Variants in DPYSL2 observed in about 807,000 individuals in gnomAD.
DPYSL2 encodes dihydropyrimidinase-related protein 2.
In DPYSL2, 13 loss-of-function variants were observed where a neutral mutation model predicts 69.9. That is an observed-to-expected ratio of 0.19 (90% CI 0.12 to 0.30). The LOEUF (loss-of-function observed/expected upper bound fraction) is 0.30, where lower values mean the gene tolerates loss of function less well. Ranked by LOEUF, DPYSL2 falls within the 10% of genes least tolerant of loss-of-function variation. DPYSL2 has a pLI of 1.00. For missense variants in DPYSL2, 587 were observed against 918.9 expected, an observed-to-expected ratio of 0.64 and a Z score of 4.67; for synonymous variants, 326 against 359.1, an observed-to-expected ratio of 0.91 and a Z score of 1.04.
chr8:26,622,296 A>G (rs776573840), intron 3 of DPYSL2, among the ~76,000 whole-genome samples: 2 of 151,904 alleles, frequency 1.3e-5, no homozygotes, highest in Non-Finnish European at 2.9e-5. Flanking sequence ...ATAAGCTTGC[A>G]TTTGAACTGG....
intron 1 of DPYSL2, among the ~76,000 whole-genome samples, chr8:26,515,078 C>G (rs1419393827): frequency 6.6e-6 from 1 of 152,192 alleles, no homozygotes; most frequent in Admixed American, 6.5e-5. Flanking sequence ...TCAGAGCGTG[C>G]GGTGGAGGCT....
At chr8:26,539,808 A>T (rs1240285297) in intron 1 of DPYSL2, among the ~76,000 whole-genome samples, 1 of 152,168 alleles carries the variant, frequency 6.6e-6, no homozygotes, top group Non-Finnish European at 1.5e-5. Context: ...CCAGAGTAGG[A>T]TCGCTACACT....
At position 26,554,491 on chromosome 8, in the gene DPYSL2, C is replaced by A. The variant is rs1456345389; in HGVS notation, c.355-27478C>A. On this transcript the variant is annotated intron_variant, in intron 1 of 13. Coordinates refer to ENST00000521913, the MANE Select transcript of DPYSL2 (RefSeq NM_001197293.3). ...TGTCTGTTTACTCTGTTGATAGTTTCTTTTGCTCTGCAGAAACTCTTAAGT... is the reference window on the plus strand; with the variant it reads ...TGTCTGTTTACTCTGTTGATAGTTTATTTTGCTCTGCAGAAACTCTTAAGT... Among the ~76,000 whole-genome samples the A allele has an allele frequency of 7.9e-5, 12 of 151,086 alleles. No homozygotes were observed. In the East Asian group the frequency reaches 2.0e-3, roughly 25 times the overall value.
At chr8:26,534,089 C>A (rs187683288) in intron 1 of DPYSL2, among the ~76,000 whole-genome samples, 90 of 152,298 alleles carry the variant, frequency 5.9e-4, no homozygotes, top group Admixed American at 1.3e-3. Flanking sequence ...AACAACAAGA[C>A]TGGTTATTGG....
chr8:26,618,092 A>G (rs1201995737), intron 3 of DPYSL2, among the ~76,000 whole-genome samples: 1 of 152,084 alleles, frequency 6.6e-6, no homozygotes, highest in Non-Finnish European at 1.5e-5. Context: ...GTCCTTTTTC[A>G]GAGACTGCTT....
At chr8:26,518,211 G>C (rs1254540738) in intron 1 of DPYSL2, among the ~76,000 whole-genome samples, 1 of 152,154 alleles carries the variant, frequency 6.6e-6, no homozygotes, top group African/African-American at 2.4e-5. Context: ...GTGTGTGGTG[G>C]AGATTTGGAA....
Position 26,640,750 on chromosome 8 carries a change from G to C in DPYSL2, c.1127-2689G>C, listed in dbSNP as rs1160522917. On this transcript the variant is annotated intron_variant, in intron 8 of 13. Coordinates refer to ENST00000521913, the MANE Select transcript of DPYSL2 (RefSeq NM_001197293.3). The surrounding 1 kb of genome is among the most constrained non-coding windows in gnomAD (Gnocchi z 4.2). ...CCTGAGGGAAGTTGAACAGAGCAAAGTAGAAATGAACCACAGGATGGCTCC... is the reference window on the plus strand; with the variant it reads ...CCTGAGGGAAGTTGAACAGAGCAAACTAGAAATGAACCACAGGATGGCTCC... 6.6e-6 allele frequency among the ~76,000 whole-genome samples: 1 copy of C among 152,200 alleles called. No homozygotes were observed. Among genetic ancestry groups the C allele is most frequent in the Admixed American group, 6.5e-5 (1 of 15,288 alleles).
chr8:26,545,747 A>G (rs1026575073), intron 1 of DPYSL2, among the ~76,000 whole-genome samples: 1 of 151,656 alleles, frequency 6.6e-6, no homozygotes, highest in African/African-American at 2.4e-5. Flanking sequence ...AGCCTGAGCA[A>G]CAGAGTGAGA....
chr8:26,558,005 G>A (rs1219539712), intron 1 of DPYSL2, among the ~76,000 whole-genome samples: 2 of 151,740 alleles, frequency 1.3e-5, no homozygotes, highest in Non-Finnish European at 1.5e-5. Context: ...GATGCAAAAT[G>A]GTACAGCCAC....
intron 1 of DPYSL2, among the ~76,000 whole-genome samples, chr8:26,574,924 ATTTAT>A (rs974658553): frequency 1.3e-5 from 2 of 151,936 alleles, no homozygotes; most frequent in African/African-American, 2.4e-5. Context: ...CACTCAGCTA[ATTTAT>A]TTTGTTTGTT....
rs1315706450 is a variant in DPYSL2, at chr8:26,642,199, T to A, written c.1127-1240T>A. Among the ~76,000 whole-genome samples the A allele has an allele frequency of 1.3e-5, 2 of 152,196 alleles. No homozygotes were observed. The highest frequency in any genetic ancestry group is 4.8e-5 in the African/African-American group (2 of 41,444). On this transcript the variant is annotated intron_variant, in intron 8 of 13. Transcript: ENST00000521913. This position sits in a 1 kb window ranked among gnomAD's most constrained non-coding sequence, Gnocchi z 5.3. Reference sequence around the variant, plus strand: ...ACACGTTTTTGGAGTGCCTACTATGTGCAGGCAGGTAAATGATCTTCAAGG... The same window carrying A: ...ACACGTTTTTGGAGTGCCTACTATGAGCAGGCAGGTAAATGATCTTCAAGG...
intron 1 of DPYSL2, among the ~76,000 whole-genome samples, chr8:26,519,884 A>G (rs1321829008): frequency 2.0e-5 from 3 of 152,222 alleles, no homozygotes; most frequent in Non-Finnish European, 2.9e-5. Context: ...AGATGACTCT[A>G]TTAAGTAGAT....
chr8:26,634,953 G>C (rs1418866957), intron 8 of DPYSL2, 53 bp downstream of exon 8: 43 of 1,607,796 alleles, frequency 2.7e-5, no homozygotes, highest in Non-Finnish European at 3.6e-5. Context: ...TTGGAGGGGA[G>C]GGGGGCTCCT....
intron 1 of DPYSL2, chr8:26,578,257 G>A (rs1383401523): frequency 6.2e-7 from 1 of 1,614,068 alleles, no homozygotes; most frequent in African/African-American, 1.3e-5. Flanking sequence ...GGAGAGAGAT[G>A]TCTTATCAGG....
At chr8:26,561,489 C>T (rs144915507) in intron 1 of DPYSL2, among the ~76,000 whole-genome samples, 27 of 152,270 alleles carry the variant, frequency 1.8e-4, no homozygotes, top group African/African-American at 6.3e-4. Context: ...TCTCAAATTA[C>T]CATGGCCCCA....
intron 4 of DPYSL2, among the ~76,000 whole-genome samples, chr8:26,625,737 A>G (rs956639545): frequency 6.6e-6 from 1 of 152,250 alleles, no homozygotes; most frequent in Admixed American, 6.5e-5. Flanking sequence ...ACAGTTCTTC[A>G]TAGGCAGAAA....
Position 26,647,651 on chromosome 8 carries a change from A to T in DPYSL2, c.1447A>T (p.Asn483Tyr). The change falls in exon 11 of 14, where the codon AAC (asparagine) becomes TAC (tyrosine). Residue 483 changes from asparagine to tyrosine, a missense_variant. Physicochemically the swap from Asn to Tyr is moderately radical, Grantham distance 143 (BLOSUM62 -2). Transcript: ENST00000521913. The surrounding 1 kb of genome is among the most constrained non-coding windows in gnomAD (Gnocchi z 5.1). ...KAVVTGKMDE[N>Y]QFVAVTSTNA... is the part of the protein sequence containing the mutation. ...TCAGGTCACTGGGAAGATGGATGAG[A>T]ACCAGTTTGTGGCTGTGACCAGCAC... The T allele has an allele frequency of 1.2e-6, 2 of 1,613,548 alleles. No individual in the cohort carries two copies. Among genetic ancestry groups the T allele is most frequent in the Admixed American group, 1.7e-5 (1 of 59,934 alleles).
At chr8:26,532,984 A>G (rs973399957) in intron 1 of DPYSL2, among the ~76,000 whole-genome samples, 39 of 152,114 alleles carry the variant, frequency 2.6e-4, no homozygotes, top group Non-Finnish European at 1.5e-4. Context: ...TCCCATCAGC[A>G]GTGTATGAGG....
chr8:26,583,943 A>G lies in DPYSL2; in HGVS notation c.588A>G (p.Gln196=), dbSNP rs753474956. Residue 196 remains glutamine (Q), a synonymous_variant, in exon 3 of 14, where the codon CAA becomes CAG. Coordinates refer to ENST00000521913, the MANE Select transcript of DPYSL2 (RefSeq NM_001197293.3). ...TGACGTCTGCTGATGATTTCTTCCA[A>G]GGAACCAAGGCGGCCCTGGCTGGGG... is the stretch of plus-strand genomic sequence containing the variant. The part of the protein sequence containing the change: ...QGMTSADDFF[Q]GTKAALAGGT... 77 of 1,614,054 alleles carry G rather than the reference A, an allele frequency of 4.8e-5. No individual in the cohort carries two copies. The South Asian group carries it at 8.3e-4, about 17-fold the overall frequency.
Sources: gnomAD v4.1 joint callset for allele counts (sites outside exome capture counted in the v4.1 genomes callset) on GRCh38, gnomAD v4.1.1 for gene constraint, Gnocchi (gnomAD v3.1) non-coding constraint, MANE v1.5 for transcripts, NCBI Gene and HGNC (gene_info 2026-07-23, HGNC 2026-07-21) for gene names.